CELF2: variants seen among roughly 807,000 people sequenced by gnomAD.
CELF2 encodes the protein CUG triplet repeat RNA-binding protein 2.
A neutral mutation model predicts 62.6 loss-of-function variants in CELF2; 8 were observed. The ratio of observed to expected loss-of-function variants is 0.13; its 90% confidence interval spans 0.07 to 0.23. CELF2 has a LOEUF of 0.23. Among genes scored for constraint, CELF2 ranks in the 10% least tolerant of loss-of-function variants. The pLI is 1.00. For missense variants in CELF2, 333 were observed against 671.0 expected, an observed-to-expected ratio of 0.50 and a Z score of 5.56; for synonymous variants, 258 against 250.0, an observed-to-expected ratio of 1.03 and a Z score of -0.30.
At chr10:11,153,758 A>G (rs2063770777) in intron 1 of CELF2, among the ~76,000 whole-genome samples, 1 of 152,318 alleles carries the variant, frequency 6.6e-6, no homozygotes. Context: ...GACACTGTGA[A>G]ATGTTGATCA....
chr10:11,332,361 A>T lies in CELF2; in HGVS notation c.*3308A>T, dbSNP rs965753418. On this transcript the variant is annotated 3_prime_UTR_variant, in exon 13 of 13. Transcript: ENST00000633077. ...CAGCCATTATGCTGGGGCATCTCTG[A>T]TCCCAGTAGGTACCTCTGAATATAC... 5 of 152,276 alleles carry T rather than the reference A, an allele frequency of 3.3e-5. No homozygotes were observed. Among genetic ancestry groups the T allele is most frequent in the Non-Finnish European group, 7.3e-5 (5 of 68,046 alleles). The allele number at this position is 152,276 out of a possible 1,614,324, so 9.4% of individuals were successfully genotyped here. A position where few individuals can be genotyped will look rare whatever the true frequency, so the allele number is the denominator to read the frequency against.
At chr10:11,180,115 A>G (rs1272559920) in intron 2 of CELF2, among the ~76,000 whole-genome samples, 1 of 152,128 alleles carries the variant, frequency 6.6e-6, no homozygotes, top group Non-Finnish European at 1.5e-5. Flanking sequence ...GACTTTCTAA[A>G]TTGTAAAACT....
the CELF2 span, among the ~76,000 whole-genome samples, chr10:10,506,298 G>GTATC: frequency 6.7e-6 from 1 of 148,438 alleles, no homozygotes; most frequent in Non-Finnish European, 1.5e-5. Context: ...GTGTGTGTGT[G>GTATC]TGTATCTGTG....
At chr10:10,738,955 G>T in the CELF2 span, among the ~76,000 whole-genome samples, 1 of 152,102 alleles carries the variant, frequency 6.6e-6, no homozygotes, top group African/African-American at 2.4e-5. Context: ...TAGTAGGAGA[G>T]ACTGGGCATG....
rs186847886 is a variant in CELF2 at position 10,899,469 on chromosome 10, G to A, written c.54-20495G>A. On this transcript the variant is annotated intron_variant, in intron 1 of 13. Coordinates refer to the CELF2 transcript ENST00000636488. ...AATAGATTTGACAACCTAGATCAGG[G>A]GTGAACAAGCTTCGTCTGCAGAGAA... Among the ~76,000 whole-genome samples, 16 of 152,208 alleles carry A rather than the reference G, an allele frequency of 1.1e-4. No individual in the cohort carries two copies. In the East Asian group the frequency reaches 2.5e-3, roughly 24 times the overall value.
In CELF2 at chr10:10,931,314, C is replaced by T. The variant is rs186442706; in HGVS notation, c.89+11315C>T. ...TGAGCCAGCAGAGAAAATAAATTCC[C>T]CATTAGGCCTGACTATTCATCCTTA... On this transcript the variant is annotated intron_variant, in intron 2 of 13. Transcript: ENST00000636488. This position sits in a 1 kb window ranked among gnomAD's most constrained non-coding sequence, Gnocchi z 6.1. 6.6e-6 allele frequency among the ~76,000 whole-genome samples: 1 copy of T among 152,220 alleles called. No individual in the cohort carries two copies. Among genetic ancestry groups the T allele is most frequent in the East Asian group, 1.9e-4 (1 of 5,182 alleles).
chr10:11,128,662 G>T (rs1410082354), intron 1 of CELF2, among the ~76,000 whole-genome samples: 1 of 152,166 alleles, frequency 6.6e-6, no homozygotes. Flanking sequence ...GTTCACTCAT[G>T]ATTTGGCTCT....
chr10:10,908,859 C>A (rs993705189), intron 1 of CELF2, among the ~76,000 whole-genome samples: 1 of 152,186 alleles, frequency 6.6e-6, no homozygotes, highest in Non-Finnish European at 1.5e-5. Flanking sequence ...GCCATCTCGG[C>A]TCACTTCACC....
the CELF2 span, among the ~76,000 whole-genome samples, chr10:10,710,620 A>AT: frequency 0.024 from 3,614 of 150,348 alleles, 139 homozygotes; most frequent in African/African-American, 0.082. Context: ...TTGAAATCTG[A>AT]TTTTTTTTTT....
chr10:11,226,656 C>G (rs534212570), intron 3 of CELF2, among the ~76,000 whole-genome samples: 1 of 150,644 alleles, frequency 6.6e-6, no homozygotes, highest in Admixed American at 6.6e-5. Flanking sequence ...GCTGGCCCTG[C>G]CACAGCAGGG....
chr10:11,155,897 G>C (rs2064277249), intron 1 of CELF2, among the ~76,000 whole-genome samples: 1 of 152,290 alleles, frequency 6.6e-6, no homozygotes, highest in East Asian at 1.9e-4. Context: ...TTACGACTGA[G>C]AAAGGTAGCC....
chr10:10,568,579 C>A, the CELF2 span, among the ~76,000 whole-genome samples: 1 of 152,122 alleles, frequency 6.6e-6, no homozygotes, highest in African/African-American at 2.4e-5. Flanking sequence ...GAATCTGGTG[C>A]AGATCTGAAG....
chr10:10,724,260 TC>T, the CELF2 span, among the ~76,000 whole-genome samples: 2 of 152,208 alleles, frequency 1.3e-5, no homozygotes, highest in Non-Finnish European at 2.9e-5. Flanking sequence ...GGTATTCATT[TC>T]ATGTCCCTTG....
At chr10:10,994,322 C>G (rs1299469393) in intron 2 of CELF2, among the ~76,000 whole-genome samples, 1 of 152,156 alleles carries the variant, frequency 6.6e-6, no homozygotes, top group African/African-American at 2.4e-5. Context: ...TACCTGCCAC[C>G]AAAATTGTCC....
Position 10,824,661 on chromosome 10 carries a change from A to T in CELF2, c.53+25844A>T, listed in dbSNP as rs2057241699. ...ACAAAGTGTAAACCCACTTAAAGTG[A>T]CTCCTTTCTTAAGCAATGTCAGAAA... On this transcript the variant is annotated intron_variant, in intron 1 of 13. Coordinates refer to the CELF2 transcript ENST00000636488. Among the ~76,000 whole-genome samples, 2 of 152,136 alleles carry T rather than the reference A, an allele frequency of 1.3e-5. 1 individual carries two copies. The highest frequency in any genetic ancestry group is 4.1e-4 in the South Asian group (2 of 4,836).
the CELF2 span, among the ~76,000 whole-genome samples, chr10:10,625,207 G>C: frequency 2.0e-5 from 3 of 150,492 alleles, no homozygotes; most frequent in Admixed American, 1.3e-4. Context: ...TGATAGAAAA[G>C]ACAAATTAAA....
chr10:11,028,562 GGCGCCC>G (rs2059616223), intron 1 of CELF2, among the ~76,000 whole-genome samples: 1 of 151,072 alleles, frequency 6.6e-6, no homozygotes, highest in Non-Finnish European at 1.5e-5. Flanking sequence ...TGGGATTACA[GGCGCCC>G]GCCACCATGC....
chr10:11,047,921 C>T (rs1409132345), intron 1 of CELF2, among the ~76,000 whole-genome samples: 2 of 152,124 alleles, frequency 1.3e-5, no homozygotes, highest in East Asian at 1.9e-4. Context: ...ATTTTTTTCT[C>T]TTCTAGATGT....
intron 2 of CELF2, among the ~76,000 whole-genome samples, chr10:11,210,887 T>C (rs2061623136): frequency 6.6e-6 from 1 of 152,232 alleles, no homozygotes; most frequent in African/African-American, 2.4e-5. Flanking sequence ...TGTATCACAA[T>C]ACCACATGTA....
Sources: gnomAD v4.1 joint callset for allele counts (sites outside exome capture counted in the v4.1 genomes callset) on GRCh38, gnomAD v4.1.1 for gene constraint, Gnocchi (gnomAD v3.1) non-coding constraint, MANE v1.5 for transcripts, NCBI Gene and HGNC (gene_info 2026-07-23, HGNC 2026-07-21) for gene names.